Variants in SFT2D1 observed in about 807,000 individuals in gnomAD.
The protein encoded by SFT2D1 is SFT2 domain containing 1.
SFT2D1 carries 24 observed loss-of-function variants against 28.1 expected under a neutral mutation model. The ratio of observed to expected loss-of-function variants is 0.85; its 90% CI spans 0.62 to 1.20. The LOEUF (loss-of-function observed/expected upper bound fraction) is 1.20, where lower values mean the gene tolerates loss of function less well. SFT2D1 is among the 50% of genes most tolerant of loss of function. The probability of loss-of-function intolerance (pLI) is 0.00; values close to 1 mark genes in which losing one functional copy is unlikely to be tolerated. For synonymous variants in SFT2D1, 82 were observed against 73.7 expected, an observed-to-expected ratio of 1.11 and a Z score of -0.58; for missense variants, 181 against 190.9, an observed-to-expected ratio of 0.95 and a Z score of 0.31.
chr6:166,326,768 G>A (rs377266536), intron 4 of SFT2D1, among the ~76,000 whole-genome samples: 2 of 152,222 alleles, frequency 1.3e-5, no homozygotes, highest in African/African-American at 2.4e-5. Context: ...CTTGGGAGAC[G>A]TCTTATATGT....
intron 1 of SFT2D1, among the ~76,000 whole-genome samples, chr6:166,330,711 G>A (rs1242264375): frequency 6.6e-6 from 1 of 152,196 alleles, no homozygotes; most frequent in Non-Finnish European, 1.5e-5. Flanking sequence ...CAGAGTCTGA[G>A]TGCATCCGAG....
At chr6:166,331,216 G>C (rs1410638857) in intron 1 of SFT2D1, among the ~76,000 whole-genome samples, 2 of 152,116 alleles carry the variant, frequency 1.3e-5, no homozygotes, top group Non-Finnish European at 2.9e-5. Context: ...AGCTGTGCAA[G>C]AAACTAGAAA....
intron 1 of SFT2D1, among the ~76,000 whole-genome samples, chr6:166,335,801 G>A (rs192430288): frequency 3.3e-5 from 5 of 152,232 alleles, no homozygotes; most frequent in African/African-American, 7.2e-5. Context: ...CCAGAGAAGC[G>A]ATAGGGAAGC....
chr6:166,322,046 C>A (rs1396811368), intron 7 of SFT2D1, among the ~76,000 whole-genome samples: 1 of 152,098 alleles, frequency 6.6e-6, no homozygotes, highest in Non-Finnish European at 1.5e-5. Context: ...CCACACCCAG[C>A]TAATTTTGTA....
chr6:166,338,086 T>G (rs1238618865), intron 1 of SFT2D1, among the ~76,000 whole-genome samples: 1 of 152,152 alleles, frequency 6.6e-6, no homozygotes, highest in Non-Finnish European at 1.5e-5. Context: ...CCGTAAGAAA[T>G]AAATTTCTGT....
chr6:166,328,596 G>A (rs529295195), intron 3 of SFT2D1, among the ~76,000 whole-genome samples: 25 of 152,114 alleles, frequency 1.6e-4, no homozygotes, highest in Non-Finnish European at 2.9e-5. Context: ...TATGAAGACC[G>A]GACTAGGCTG....
At chr6:166,325,816 CA>C in intron 5 of SFT2D1, 1 of 370,586 alleles carries the variant, frequency 2.7e-6, no homozygotes, top group East Asian at 5.2e-5. Flanking sequence ...GGTAGGTGAG[CA>C]TGTGTGCACA....
At chr6:166,328,419 ATAAAC>A in intron 3 of SFT2D1, 62 bp from the exon 4 acceptor site, 2 of 963,940 alleles carry the variant, frequency 2.1e-6, no homozygotes, top group Non-Finnish European at 3.0e-6. Context: ...TTATGCAAAA[ATAAAC>A]TACTTTTTTA....
intron 7 of SFT2D1, among the ~76,000 whole-genome samples, chr6:166,320,494 T>A (rs1413911599): frequency 1.3e-5 from 2 of 152,130 alleles, no homozygotes; most frequent in East Asian, 3.8e-4. Context: ...TATACACTGA[T>A]CTCAATCAAA....
chr6:166,323,011 T>G, intron 6 of SFT2D1, 125 bp from the exon 7 acceptor site: 1 of 719,390 alleles, frequency 1.4e-6, no homozygotes, highest in Non-Finnish European at 2.4e-6. Flanking sequence ...TCTCAAAGTG[T>G]GACCCCGACC....
chr6:166,321,497 C>T (rs1382444369), intron 7 of SFT2D1, among the ~76,000 whole-genome samples: 1 of 152,176 alleles, frequency 6.6e-6, no homozygotes, highest in African/African-American at 2.4e-5. Flanking sequence ...TACCCTTGCA[C>T]ACTCCTGTTA....
At chr6:166,330,511 CGAT>C (rs1383547835) in intron 1 of SFT2D1, among the ~76,000 whole-genome samples, 1 of 151,650 alleles carries the variant, frequency 6.6e-6, no homozygotes, top group African/African-American at 2.4e-5. Context: ...TAGGGACAGC[CGAT>C]ATACACTGAT....
rs1267103978 is a variant in SFT2D1, at chr6:166,342,415, C to G, written c.63+4G>C. ...GGGACTGGACGAGGGCGCAAGTTCG[C>G]TACCTGCGCAGTCAGGCCCTGCTCC... On this transcript the variant is annotated splice_donor_region_variant and intron_variant, in intron 1 of 7. Coordinates refer to ENST00000361731, the MANE Select transcript of SFT2D1 (RefSeq NM_145169.3). 1 of 1,554,496 alleles carries G rather than the reference C, an allele frequency of 6.4e-7. No individual in the cohort carries two copies. The highest frequency in any genetic ancestry group is 8.7e-7 in the Non-Finnish European group (1 of 1,149,710).
chr6:166,322,730 A>G, intron 7 of SFT2D1, 127 bp downstream of exon 7: 2 of 596,408 alleles, frequency 3.4e-6, no homozygotes, highest in Non-Finnish European at 5.6e-6. Flanking sequence ...ATTTCCTTTT[A>G]GGAAATTAAA....
chr6:166,326,563 C>T (rs1035524276), intron 4 of SFT2D1, among the ~76,000 whole-genome samples: 8 of 152,176 alleles, frequency 5.3e-5, no homozygotes, highest in African/African-American at 1.9e-4. Context: ...AACCTGTTGT[C>T]TTCTCTTTAA....
chr6:166,323,129 CAA>C (rs959246637), intron 6 of SFT2D1: 1 of 415,342 alleles, frequency 2.4e-6, no homozygotes, highest in African/African-American at 2.0e-5. Context: ...GCACTTTAAA[CAA>C]ACTCTCTAGG....
At chr6:166,341,024 A>G (rs959995002) in intron 1 of SFT2D1, among the ~76,000 whole-genome samples, 1 of 152,240 alleles carries the variant, frequency 6.6e-6, no homozygotes, top group Non-Finnish European at 1.5e-5. Flanking sequence ...ACTTTCTGCA[A>G]TGCAAATGTT....
intron 1 of SFT2D1, among the ~76,000 whole-genome samples, chr6:166,331,648 C>T (rs560508975): frequency 5.3e-5 from 8 of 152,202 alleles, no homozygotes; most frequent in African/African-American, 1.4e-4. Context: ...ATTTTAACTA[C>T]GCAGGCCAGA....
intron 5 of SFT2D1, 186 bp downstream of exon 5, chr6:166,325,946 G>C: frequency 1.6e-6 from 1 of 640,828 alleles, no homozygotes. Context: ...CTATGCTGTA[G>C]ACAGTAGAAT....
Sources: gnomAD v4.1 joint callset for allele counts (sites outside exome capture counted in the v4.1 genomes callset) on GRCh38, gnomAD v4.1.1 for gene constraint, MANE v1.5 for transcripts, NCBI Gene and HGNC (gene_info 2026-07-23, HGNC 2026-07-21) for gene names.